The following USP6NL variants were observed in gnomAD, a reference collection of about 807,000 sequenced individuals.
USP6NL encodes the protein USP6 N-terminal-like protein.
USP6NL carries 26 observed loss-of-function variants against 61.9 expected under a neutral mutation model. The ratio of observed to expected loss-of-function variants is 0.42; its 90% CI spans 0.31 to 0.58. The LOEUF is 0.58. Among genes scored for constraint, USP6NL ranks in the 20% least tolerant of loss-of-function variants. The pLI, the probability that USP6NL is intolerant of heterozygous loss-of-function variation, is 0.16. For missense variants in USP6NL, 1,114 were observed against 1,034.3 expected (o/e 1.08, Z -1.06); for synonymous variants, 432 against 390.1 (o/e 1.11, Z -1.27).
intron 1 of USP6NL, among the ~76,000 whole-genome samples, chr10:11,601,374 C>A (rs76835407): frequency 8.0e-4 from 121 of 152,164 alleles, no homozygotes; most frequent in African/African-American, 2.8e-3. Flanking sequence ...ATGCCAGAGC[C>A]CACAGTGATG....
At position 11,600,503 on chromosome 10, in the gene USP6NL, G is replaced by A. The variant is rs968013420; in HGVS notation, c.-83-2786C>T. Among the ~76,000 whole-genome samples, 2 of 152,096 alleles carry A rather than the reference G, an allele frequency of 1.3e-5. No homozygotes were observed. Among genetic ancestry groups the A allele is most frequent in the African/African-American group, 2.4e-5 (1 of 41,402 alleles). On this transcript the variant is annotated intron_variant, in intron 1 of 14. Transcript: ENST00000609104. This position sits in a 1 kb window ranked among gnomAD's most constrained non-coding sequence, Gnocchi z 4.1. ...TGTTGTGCACTGAAAGTTTGCAGTC[G>A]TTACACAGCATTATTACAGCCAAAG...
rs1836014353 is a variant in USP6NL at position 11,540,715 on chromosome 10, C to T, written c.5-13148G>A. On this transcript the variant is annotated intron_variant, in intron 2 of 14. Transcript: ENST00000609104. This position sits in a 1 kb window ranked among gnomAD's most constrained non-coding sequence, Gnocchi z 5.0. ...GTGGTAACGATCAACCCAATGGTAA[C>T]ATTTCTACCCTTTAAATAAAAAATA... Among the ~76,000 whole-genome samples the T allele has an allele frequency of 6.6e-6, 1 of 152,146 alleles. No homozygotes were observed.
intron 1 of USP6NL, among the ~76,000 whole-genome samples, chr10:11,610,620 CTT>C (rs76285323): frequency 2.8e-5 from 4 of 143,664 alleles, no homozygotes; most frequent in African/African-American, 7.6e-5. Context: ...GGCGTCCTCA[CTT>C]TTTTTTTTTT....
chr10:11,464,578 G>A lies in USP6NL; in HGVS notation c.1079-729C>T, dbSNP rs187191530. ...GATCCTCCTCCTCCACTATACCACC[G>A]TGGAGGCAGTGAGAAGAAGTTGCTT... On this transcript the variant is annotated intron_variant, in intron 14 of 14. Coordinates refer to ENST00000609104, the MANE Select transcript of USP6NL (RefSeq NM_014688.5). Among the ~76,000 whole-genome samples the A allele has an allele frequency of 4.9e-4, 75 of 152,236 alleles. 1 individual carries two copies. The East Asian group carries it at 0.013, about 25-fold the overall frequency.
At chr10:11,546,255 A>C (rs1197605987) in intron 2 of USP6NL, among the ~76,000 whole-genome samples, 1 of 152,246 alleles carries the variant, frequency 6.6e-6, no homozygotes, top group Non-Finnish European at 1.5e-5. Flanking sequence ...AGAAAGGTAA[A>C]CTATAAACTG....
At chr10:11,566,401 T>A (rs1837158515) in intron 2 of USP6NL, among the ~76,000 whole-genome samples, 1 of 152,190 alleles carries the variant, frequency 6.6e-6, no homozygotes, top group Admixed American at 6.5e-5. Context: ...CGCCACATAT[T>A]TACTGTGTGC....
intron 2 of USP6NL, among the ~76,000 whole-genome samples, chr10:11,542,386 G>C (rs959783343): frequency 6.6e-6 from 1 of 152,166 alleles, no homozygotes; most frequent in Non-Finnish European, 1.5e-5. Flanking sequence ...TCAGAAAAAA[G>C]TTTTAGGTAC....
At chr10:11,593,509 C>A (rs1289586191) in intron 2 of USP6NL, among the ~76,000 whole-genome samples, 4 of 151,954 alleles carry the variant, frequency 2.6e-5, no homozygotes, top group African/African-American at 9.7e-5. Flanking sequence ...CTGAGAAAAA[C>A]AAAATGGGCA....
At chr10:11,480,722 G>A (rs1424451328) in intron 14 of USP6NL, among the ~76,000 whole-genome samples, 1 of 152,196 alleles carries the variant, frequency 6.6e-6, no homozygotes, top group Non-Finnish European at 1.5e-5. Flanking sequence ...AGTACTGCTT[G>A]TCCTTCTGTA....
At chr10:11,599,156 G>C (rs973570474) in intron 1 of USP6NL, among the ~76,000 whole-genome samples, 4 of 152,164 alleles carry the variant, frequency 2.6e-5, no homozygotes, top group African/African-American at 7.2e-5. Flanking sequence ...TCCTGCCTAG[G>C]AAACTCTGAG....
At position 11,525,549 on chromosome 10, in the gene USP6NL, A is replaced by G. The variant is rs1835381239; in HGVS notation, c.73-81T>C. 4 of 1,235,922 alleles carry G rather than the reference A, an allele frequency of 3.2e-6. No homozygotes were observed. The highest frequency in any genetic ancestry group is 3.2e-5 in the South Asian group (2 of 61,924). 76.6% of individuals were successfully genotyped at this position (1,235,922 alleles called of 1,614,324 possible). ...TTTAAAATAAAAGGACGAAGAAATA[A>G]GAGCTATTTTTAATGTATTACTAAA... On this transcript the variant is annotated intron_variant, in intron 3 of 14. Transcript: ENST00000609104. This position sits in a 1 kb window ranked among gnomAD's most constrained non-coding sequence, Gnocchi z 5.0.
Position 11,463,349 on chromosome 10 carries a change from C to G in USP6NL, c.1579G>C (p.Val527Leu). Reference sequence around the variant, plus strand: ...TTCATCTTTGGCCGCACGTTTGACACCCGCACCTCGGCAGGACCTGGGACG... The same window carrying G: ...TTCATCTTTGGCCGCACGTTTGACAGCCGCACCTCGGCAGGACCTGGGACG... The part of the protein sequence containing the change: ...VTVPGPAEVR[V>L]SNVRPKMKAL... Residue 527 changes from valine to leucine, a missense_variant, in exon 15 of 15, where the codon GTG becomes CTG. Transcript: ENST00000609104. The surrounding 1 kb of genome is among the most constrained non-coding windows in gnomAD (Gnocchi z 6.3). 2 of 1,613,978 alleles carry G rather than the reference C, an allele frequency of 1.2e-6. No homozygotes were observed. Among genetic ancestry groups the G allele is most frequent in the Non-Finnish European group, 1.7e-6 (2 of 1,179,890 alleles).
chr10:11,485,322 G>T lies in USP6NL; in HGVS notation c.760-88C>A. ...TAAGTTAGGAAGGCTGTTGGATGCA[G>T]CTATCAAAGCTAAACACATTTACTT... On this transcript the variant is annotated intron_variant, in intron 11 of 14. Coordinates refer to ENST00000609104, the MANE Select transcript of USP6NL (RefSeq NM_014688.5). The surrounding 1 kb of genome is among the most constrained non-coding windows in gnomAD (Gnocchi z 4.8). 1 of 1,026,292 alleles carries T rather than the reference G, an allele frequency of 9.7e-7. No homozygotes were observed. The highest frequency in any genetic ancestry group is 1.4e-6 in the Non-Finnish European group (1 of 718,916). 63.6% of individuals were successfully genotyped at this position (1,026,292 alleles called of 1,614,324 possible). A position where few individuals can be genotyped will look rare whatever the true frequency, so the allele number is the denominator to read the frequency against.
chr10:11,544,874 ATTCAG>A (rs1234971795), intron 2 of USP6NL, among the ~76,000 whole-genome samples: 1 of 152,234 alleles, frequency 6.6e-6, no homozygotes, highest in Non-Finnish European at 1.5e-5. Context: ...AAGCCCATCA[ATTCAG>A]TTATTAAAAA....
At chr10:11,604,668 C>T (rs974186364) in intron 1 of USP6NL, among the ~76,000 whole-genome samples, 2 of 152,138 alleles carry the variant, frequency 1.3e-5, no homozygotes, top group African/African-American at 4.8e-5. Flanking sequence ...ATAAGGGATA[C>T]AACTCAGTAT....
At chr10:11,488,942 T>C (rs1451216454) in intron 10 of USP6NL, among the ~76,000 whole-genome samples, 160 bp downstream of exon 10, 3 of 152,214 alleles carry the variant, frequency 2.0e-5, no homozygotes, top group Non-Finnish European at 4.4e-5. Context: ...AGTTCAATAA[T>C]GAAAAATGAA....
intron 10 of USP6NL, among the ~76,000 whole-genome samples, chr10:11,488,054 T>A (rs529438826): frequency 2.0e-5 from 3 of 152,292 alleles, no homozygotes; most frequent in Admixed American, 2.0e-4. Flanking sequence ...TCATTTAAAT[T>A]TGATGGCACT....
chr10:11,606,286 G>A (rs1018272854), intron 1 of USP6NL, among the ~76,000 whole-genome samples: 8 of 152,064 alleles, frequency 5.3e-5, no homozygotes, highest in African/African-American at 1.9e-4. Flanking sequence ...ATGAAATAAA[G>A]ATACTCTTAA....
chr10:11,463,812 C>T lies in USP6NL; in HGVS notation c.1116G>A (p.Gln372=). 9.5e-6 allele frequency: 14 copies of T among 1,481,132 alleles called. No homozygotes were observed. Among genetic ancestry groups the T allele is most frequent in the Non-Finnish European group, 1.3e-5 (14 of 1,116,686 alleles). 91.7% of individuals were successfully genotyped at this position (1,481,132 alleles called of 1,614,324 possible). A position where few individuals can be genotyped will look rare whatever the true frequency, so the allele number is the denominator to read the frequency against. ...CCCAAGACTGAAGTTCAGGTGGAAG[C>T]TGCCCCAAGGGCTTCTTTGGATATT... ...EDEYPKKPLG[Q]LPPELQSWGV... Residue 372 remains glutamine (Q), a synonymous_variant, in exon 15 of 15, where the codon CAG becomes CAA. Coordinates refer to ENST00000609104, the MANE Select transcript of USP6NL (RefSeq NM_014688.5). The surrounding 1 kb of genome is among the most constrained non-coding windows in gnomAD (Gnocchi z 6.3).
Sources: gnomAD v4.1 joint callset for allele counts (sites outside exome capture counted in the v4.1 genomes callset) on GRCh38, gnomAD v4.1.1 for gene constraint, Gnocchi (gnomAD v3.1) non-coding constraint, MANE v1.5 for transcripts, NCBI Gene and HGNC (gene_info 2026-07-23, HGNC 2026-07-21) for gene names.